Variants in ZNF333 observed in about 807,000 individuals in gnomAD.
The protein encoded by ZNF333 is zinc finger protein 333.
A neutral mutation model predicts 76.1 loss-of-function variants in ZNF333; 61 were observed. The ratio of observed to expected loss-of-function variants is 0.80; its 90% CI spans 0.65 to 0.99. ZNF333 has a LOEUF of 0.99. Ranked by LOEUF, ZNF333 falls within the 50% of genes least tolerant of loss-of-function variation. ZNF333 has a pLI of 0.00. For missense variants in ZNF333, 717 were observed against 822.4 expected, an observed-to-expected ratio of 0.87 and a Z score of 1.57; for synonymous variants, 284 against 305.0, an observed-to-expected ratio of 0.93 and a Z score of 0.72.
chr19:14,713,816 CAG>C lies in ZNF333; in HGVS notation c.512-1565_512-1564del, dbSNP rs113749083. On this transcript the variant is annotated intron_variant, in intron 7 of 11. Transcript: ENST00000292530. ...TCTAAAAAAATAAAAAAAAAATTAA[CAG>C]GGTGTGGTGGTGCACACGTGTAGTC... Among the ~76,000 whole-genome samples the C allele has an allele frequency of 1.3e-3, 205 of 152,160 alleles. 1 individual carries two copies. Among genetic ancestry groups the C allele is most frequent in the African/African-American group, 4.7e-3 (196 of 41,526 alleles).
chr19:14,706,881 T>C (rs1225517114), intron 7 of ZNF333, 108 bp downstream of exon 7: 7 of 901,774 alleles, frequency 7.8e-6, no homozygotes, highest in African/African-American at 1.7e-5. Context: ...CTGCAGGCAC[T>C]GCCGTGGCAC....
At chr19:14,690,478 A>T (rs1344340594) in intron 1 of ZNF333, among the ~76,000 whole-genome samples, 2 of 152,226 alleles carry the variant, frequency 1.3e-5, no homozygotes, top group Admixed American at 1.3e-4. Flanking sequence ...GGGAAAGTGC[A>T]TAAAGACGGC....
rs1008671451 is a variant in ZNF333 at position 14,719,536 on chromosome 19, A to G, written c.*211A>G. Reference sequence around the variant, plus strand: ...TATGTGGATATATTTTCATAGAGGTATAATGACTTATAGTGAAATGCATAC... The same window carrying G: ...TATGTGGATATATTTTCATAGAGGTGTAATGACTTATAGTGAAATGCATAC... On this transcript the variant is annotated 3_prime_UTR_variant, in exon 12 of 12. Transcript: ENST00000292530. 2.3e-5 allele frequency: 25 copies of G among 1,078,224 alleles called. No homozygotes were observed. The highest frequency in any genetic ancestry group is 4.8e-5 in the African/African-American group (3 of 62,454). The allele number at this position is 1,078,224 out of a possible 1,614,324, so 66.8% of individuals were successfully genotyped here.
chr19:14,691,631 C>G (rs966539620), intron 1 of ZNF333, among the ~76,000 whole-genome samples: 1 of 150,212 alleles, frequency 6.7e-6, no homozygotes, highest in Non-Finnish European at 1.5e-5. Flanking sequence ...GAAAGACAGG[C>G]ACTTTAAGTT....
chr19:14,707,157 T>G, intron 7 of ZNF333: 1 of 172,558 alleles, frequency 5.8e-6, no homozygotes, highest in Non-Finnish European at 1.2e-5. Flanking sequence ...TTAATCCCAG[T>G]GCTTTGCAAG....
At position 14,692,862 on chromosome 19, in the gene ZNF333, G is replaced by A. The variant is rs910996207; in HGVS notation, c.-41-589G>A. 3.4e-5 allele frequency among the ~76,000 whole-genome samples: 5 copies of A among 147,730 alleles called. No individual in the cohort carries two copies. The East Asian group carries it at 8.0e-4, about 24-fold the overall frequency. On this transcript the variant is annotated intron_variant, in intron 1 of 11. Transcript: ENST00000292530. ...TCTTGACATGGAGTCTTAGTCTGTT[G>A]CCCAGGCTGCAATGCCGTGGCACGA... is the stretch of plus-strand genomic sequence containing the variant.
chr19:14,719,481 A>G lies in ZNF333; in HGVS notation c.*156A>G, dbSNP rs1020545574. On this transcript the variant is annotated 3_prime_UTR_variant, in exon 12 of 12. Coordinates refer to ENST00000292530, the MANE Select transcript of ZNF333 (RefSeq NM_032433.4). ...TTATCGTTTATTCTTTGACCCATCT[A>G]TTATTTGGAATTAGATTTTTCAAAA... The G allele has an allele frequency of 5.5e-6, 6 of 1,100,900 alleles. No homozygotes were observed. Among genetic ancestry groups the G allele is most frequent in the African/African-American group, 3.2e-5 (2 of 62,970 alleles). The allele number at this position is 1,100,900 out of a possible 1,614,324, so 68.2% of individuals were successfully genotyped here.
chr19:14,718,333 G>A lies in ZNF333; in HGVS notation c.1006G>A (p.Ala336Thr). Reference protein sequence around the residue: ...FQYQRIHAGEASCECQEIRNS... With the variant: ...FQYQRIHAGETSCECQEIRNS... ...GTACCAGAGAATTCATGCTGGAGAG[G>A]CATCCTGTGAATGTCAAGAGATTAG... The change falls in exon 12 of 12, where the codon GCA becomes ACA. Residue 336 changes from alanine (A) to threonine (T), a missense_variant. Coordinates refer to ENST00000292530, the MANE Select transcript of ZNF333 (RefSeq NM_032433.4). 1.9e-6 allele frequency: 3 copies of A among 1,614,154 alleles called. No homozygotes were observed. The highest frequency in any genetic ancestry group is 2.2e-5 in the South Asian group (2 of 91,082).
intron 4 of ZNF333, among the ~76,000 whole-genome samples, chr19:14,698,373 CAA>C (rs35567352): frequency 0.09 from 6,078 of 67,478 alleles, 224 homozygotes; most frequent in African/African-American, 0.19. Context: ...GACTCCGTCT[CAA>C]AAAAAAAAAA....
Position 14,718,816 on chromosome 19 carries a change from C to T in ZNF333, c.1489C>T (p.Leu497=). 6.2e-7 allele frequency: 1 copy of T among 1,613,486 alleles called. No homozygotes were observed. The highest frequency in any genetic ancestry group is 8.5e-7 in the Non-Finnish European group (1 of 1,179,892). ...GGAACACTCTTCACTGAAGACACAT[C>T]TGCGAACCCATACCAGAGAGAAACC... is the stretch of plus-strand genomic sequence containing the variant. ...FREHSSLKTH[L]RTHTREKPYE... is the part of the protein sequence containing the mutation. Residue 497 remains leucine, a synonymous_variant, in exon 12 of 12, where the codon CTG becomes TTG. Transcript: ENST00000292530.
rs1973070128 is a variant in ZNF333, at chr19:14,695,013, T to A, written c.7T>A (p.Ser3Thr). ME[S>T]VTFEDVAVEF... ...CAGAATGTGTGTGCTGTTTTAGGAA[T>A]CCGTCACCTTTGAGGATGTGGCCGT... Residue 3 changes from serine (S) to threonine (T), a missense_variant, in exon 3 of 12, where the codon TCC (serine) becomes ACC (threonine). Transcript: ENST00000292530. 1 of 1,614,084 alleles carries A rather than the reference T, an allele frequency of 6.2e-7. No individual in the cohort carries two copies. Among genetic ancestry groups the A allele is most frequent in the Non-Finnish European group, 8.5e-7 (1 of 1,180,034 alleles).
chr19:14,710,827 C>T (rs969059428), intron 7 of ZNF333, among the ~76,000 whole-genome samples: 6 of 152,052 alleles, frequency 3.9e-5, no homozygotes, highest in Admixed American at 3.9e-4. Context: ...GTATCTGACT[C>T]ATGGTTCTGT....
chr19:14,726,242 ACAGGG>A (rs1276529873), downstream of ZNF333, among the ~76,000 whole-genome samples: 4 of 152,200 alleles, frequency 2.6e-5, no homozygotes, highest in Middle Eastern at 3.2e-3. Context: ...CAAAGGCTGC[ACAGGG>A]CAGCGGGGCC....
At chr19:14,705,451 C>G (rs1450358020) in intron 6 of ZNF333, among the ~76,000 whole-genome samples, 1 of 152,166 alleles carries the variant, frequency 6.6e-6, no homozygotes, top group Non-Finnish European at 1.5e-5. Context: ...GTCCTTCCAC[C>G]CCAGCCCCAC....
At chr19:14,701,534 A>G in intron 5 of ZNF333, 1 of 973,602 alleles carries the variant, frequency 1.0e-6, no homozygotes, top group Non-Finnish European at 1.2e-6. Flanking sequence ...GTGTTGCAGA[A>G]GGCATCTCCA....
chr19:14,701,492 G>T, intron 5 of ZNF333: 2 of 800,222 alleles, frequency 2.5e-6, no homozygotes, highest in Non-Finnish European at 3.0e-6. Context: ...GTAGCCCCCA[G>T]TGCTTGTTGA....
rs766865661 is a variant in ZNF333, at chr19:14,717,084, G to A, written c.818G>A (p.Cys273Tyr). 1 of 1,604,144 alleles carries A rather than the reference G, an allele frequency of 6.2e-7. No homozygotes were observed. The change falls in exon 10 of 12, where the codon TGT becomes TAT. Residue 273 changes from cysteine (C) to tyrosine (Y), a missense_variant. By Grantham distance (194) the Cys-to-Tyr change is radical (BLOSUM62 -2). Coordinates refer to ENST00000292530, the MANE Select transcript of ZNF333 (RefSeq NM_032433.4). ...TTDRGVLSDT[C>Y]AEPQCQPQEA... The stretch of plus-strand genomic sequence containing the variant: ...GACAGGGGCGTCCTCTCAGACACCT[G>A]TGCAGGTGAGCCCAGGCAGATCAGG...
rs573280672 is a variant in ZNF333 at position 14,705,114 on chromosome 19, T to C, written c.367T>C (p.Leu123=). ...VPSIEERETP[L]TREDRPALQE... is the part of the protein sequence containing the mutation. ...CTCCATAGAAGAGAGGGAGACACCA[T>C]TGACTCGAGAGGACCGGCCAGCTCT... The change falls in exon 6 of 12, where the codon TTG becomes CTG. Residue 123 remains leucine, a synonymous_variant. Transcript: ENST00000292530. 3.7e-6 allele frequency: 6 copies of C among 1,613,980 alleles called. No homozygotes were observed. In the East Asian group the frequency reaches 6.7e-5, roughly 18 times the overall value.
In ZNF333 at chr19:14,719,473, AC is replaced by A; in HGVS notation, c.*151del. On this transcript the variant is annotated 3_prime_UTR_variant, in exon 12 of 12. Transcript: ENST00000292530. ...AACCTCCATTATCGTTTATTCTTTG[AC>A]CCATCTATTATTTGGAATTAGATTT... 1 of 1,115,914 alleles carries A rather than the reference AC, an allele frequency of 9.0e-7. No individual in the cohort carries two copies. Among genetic ancestry groups the A allele is most frequent in the Non-Finnish European group, 1.2e-6 (1 of 817,080 alleles). 69.1% of individuals were successfully genotyped at this position (1,115,914 alleles called of 1,614,324 possible).
Sources: gnomAD v4.1 joint callset for allele counts (sites outside exome capture counted in the v4.1 genomes callset) on GRCh38, gnomAD v4.1.1 for gene constraint, MANE v1.5 for transcripts, NCBI Gene and HGNC (gene_info 2026-07-23, HGNC 2026-07-21) for gene names.